The following ECPAS variants were observed in gnomAD, a reference collection of about 807,000 sequenced individuals.
The protein encoded by ECPAS is proteasome adapter and scaffold protein ECM29.
ECPAS carries 70 observed loss-of-function variants against 255.1 expected under a neutral mutation model. That is an observed-to-expected ratio of 0.27 (90% CI 0.23 to 0.33). The LOEUF is 0.33. ECPAS is among the 10% of genes least tolerant of loss of function. The pLI, the probability that ECPAS is intolerant of heterozygous loss-of-function variation, is 1.00. For missense variants in ECPAS, 1,817 were observed against 2,206.4 expected (o/e 0.82, Z 3.54); for synonymous variants, 784 against 775.0 (o/e 1.01, Z -0.19).
At chr9:111,366,058 C>A in intron 48 of ECPAS, 181 bp downstream of exon 48, 3 of 540,708 alleles carry the variant, frequency 5.5e-6, no homozygotes, top group Non-Finnish European at 6.6e-6. Flanking sequence ...ATGCTAAAAT[C>A]CTGTTATAGT....
intron 7 of ECPAS, 46 bp from the exon 8 acceptor site, chr9:111,433,418 A>C: frequency 6.2e-7 from 1 of 1,606,906 alleles, no homozygotes; most frequent in East Asian, 2.2e-5. Flanking sequence ...AGGGGAGCAA[A>C]GGACACCCAC....
intron 36 of ECPAS, among the ~76,000 whole-genome samples, chr9:111,378,329 T>G (rs1040608485): frequency 6.6e-6 from 1 of 152,128 alleles, no homozygotes; most frequent in Non-Finnish European, 1.5e-5. Context: ...CCTAACAAAA[T>G]TGAAATATAC....
At chr9:111,406,186 G>A (rs183277657) in intron 24 of ECPAS, among the ~76,000 whole-genome samples, 1 of 149,796 alleles carries the variant, frequency 6.7e-6, no homozygotes, top group Non-Finnish European at 1.5e-5. Context: ...ATATTATTCA[G>A]CCATAAAAAA....
chr9:111,373,852 G>C (rs1186903133), intron 39 of ECPAS, 120 bp downstream of exon 39: 5 of 726,880 alleles, frequency 6.9e-6, no homozygotes, highest in Non-Finnish European at 1.2e-5. Context: ...GGACTGAGGG[G>C]AGAAAAGGCA....
At position 111,469,033 on chromosome 9, in the gene ECPAS, C is replaced by A. The variant is rs539868746; in HGVS notation, c.22+3864G>T. Among the ~76,000 whole-genome samples the A allele has an allele frequency of 2.6e-5, 4 of 152,302 alleles. No individual in the cohort carries two copies. In the South Asian group the frequency reaches 8.3e-4, roughly 32 times the overall value. ...TATCATCTCAATTCCCCAAAAGCCACGCTAATACTTGGCAAAACCCAAATG... is the reference window on the plus strand; with the variant it reads ...TATCATCTCAATTCCCCAAAAGCCAAGCTAATACTTGGCAAAACCCAAATG... On this transcript the variant is annotated intron_variant, in intron 2 of 49. Transcript: ENST00000684092.
intron 24 of ECPAS, among the ~76,000 whole-genome samples, chr9:111,398,552 A>G (rs2098170893): frequency 6.6e-6 from 1 of 152,174 alleles, no homozygotes; most frequent in Non-Finnish European, 1.5e-5. Flanking sequence ...AATTTCCTAT[A>G]ATAAAAAGTT....
chr9:111,363,318 A>C (rs2098116186), intron 49 of ECPAS, among the ~76,000 whole-genome samples: 1 of 152,166 alleles, frequency 6.6e-6, no homozygotes, highest in South Asian at 2.1e-4. Context: ...ACCAAGATTA[A>C]ATCAGGATTC....
chr9:111,460,956 T>G (rs1263505425), intron 2 of ECPAS, among the ~76,000 whole-genome samples: 1 of 152,118 alleles, frequency 6.6e-6, no homozygotes, highest in East Asian at 1.9e-4. Context: ...GAGCCTATAG[T>G]GGTTCCAGGC....
Position 111,484,347 on chromosome 9 carries a change from G to A in ECPAS, c.-314C>T. On this transcript the variant is annotated 5_prime_UTR_variant, in exon 1 of 50. Transcript: ENST00000684092. ...TGTCACGTTGGCTGGGCCCGACCTG[G>A]GGAAACACGCCTGTCCAAAGGAAGA... 3 of 1,609,512 alleles carry A rather than the reference G, an allele frequency of 1.9e-6. No homozygotes were observed. The highest frequency in any genetic ancestry group is 1.7e-4 in the Middle Eastern group (1 of 6,030).
At chr9:111,448,509 C>G (rs542848022) in intron 3 of ECPAS, among the ~76,000 whole-genome samples, 1 of 152,106 alleles carries the variant, frequency 6.6e-6, no homozygotes, top group Non-Finnish European at 1.5e-5. Context: ...ATTATTAAAA[C>G]TGAAAGAAAA....
intron 35 of ECPAS, among the ~76,000 whole-genome samples, chr9:111,382,339 A>G (rs561903128): frequency 7.0e-6 from 1 of 143,602 alleles, no homozygotes; most frequent in East Asian, 2.0e-4. Context: ...ATCTGGGCTC[A>G]CCGCAACCTC....
In ECPAS at chr9:111,366,311, C is replaced by A; in HGVS notation, c.5236G>T (p.Glu1746Ter). Residue 1746 changes from glutamate to a stop codon, truncating the protein, a stop_gained, in exon 48 of 50, where the codon GAA becomes TAA. Coordinates refer to ENST00000684092, the MANE Select transcript of ECPAS (RefSeq NM_001364929.1). LOFTEE classifies it high-confidence loss of function. ...AAAGCCTCAGGATCGGCATGTTCTT[C>A]TTCCAAAAGCATTAACCTATACAAA... ...AFFQGLMLLE[E>*]EHADPEALAE... The A allele has an allele frequency of 6.4e-7, 1 of 1,574,064 alleles. No homozygotes were observed. Among genetic ancestry groups the A allele is most frequent in the Non-Finnish European group, 8.6e-7 (1 of 1,158,176 alleles).
intron 6 of ECPAS, among the ~76,000 whole-genome samples, chr9:111,439,922 T>C (rs992626578): frequency 3.9e-5 from 6 of 152,052 alleles, no homozygotes; most frequent in Admixed American, 3.3e-4. Flanking sequence ...GGAGGCATTA[T>C]GCAAATGATA....
chr9:111,428,109 T>C lies in ECPAS; in HGVS notation c.983A>G (p.Lys328Arg). The C allele has an allele frequency of 1.2e-6, 2 of 1,613,334 alleles. No homozygotes were observed. Among genetic ancestry groups the C allele is most frequent in the Admixed American group, 1.7e-5 (1 of 59,954 alleles). Residue 328 changes from lysine (K) to arginine (R), a missense_variant, in exon 10 of 50, where the codon AAG becomes AGG. Coordinates refer to ENST00000684092, the MANE Select transcript of ECPAS (RefSeq NM_001364929.1). ...GAGGAGATGGGGGACAATCTTTAAC[T>C]TGACTCTTGTACTGACAGGGTCCCT... is the stretch of plus-strand genomic sequence containing the variant. ...LKRDPVSTRV[K>R]LKIVPHLLRS...
At chr9:111,423,988 G>A (rs900385021) in intron 12 of ECPAS, among the ~76,000 whole-genome samples, 1 of 152,130 alleles carries the variant, frequency 6.6e-6, no homozygotes, top group Non-Finnish European at 1.5e-5. Flanking sequence ...CAGGTAAGGG[G>A]ACTCACACCC....
At chr9:111,408,459 C>T in intron 24 of ECPAS, 112 bp downstream of exon 24, 1 of 624,982 alleles carries the variant, frequency 1.6e-6, no homozygotes, top group Middle Eastern at 2.6e-4. Context: ...GGTGAATAAA[C>T]AAGTAAATGC....
At chr9:111,466,873 G>A (rs1260382718) in intron 2 of ECPAS, among the ~76,000 whole-genome samples, 1 of 152,132 alleles carries the variant, frequency 6.6e-6, no homozygotes, top group Non-Finnish European at 1.5e-5. Flanking sequence ...GCCTCCCAAA[G>A]TGCTGGGATT....
At chr9:111,413,616 A>T (rs2098198342) in intron 20 of ECPAS, among the ~76,000 whole-genome samples, 1 of 151,858 alleles carries the variant, frequency 6.6e-6, no homozygotes, top group East Asian at 1.9e-4. Context: ...AAACTACACA[A>T]ATCTATTGCT....
In ECPAS at chr9:111,412,001, C is replaced by A; in HGVS notation, c.2214+13G>T. On this transcript the variant is annotated intron_variant, in intron 21 of 49. Transcript: ENST00000684092. The stretch of plus-strand genomic sequence containing the variant: ...TATCTCCCACAAAAAAGAATGAAAA[C>A]AAAATAACATACGTGATTGTCTTTT... 6.6e-7 allele frequency: 1 copy of A among 1,512,812 alleles called. No individual in the cohort carries two copies. Among genetic ancestry groups the A allele is most frequent in the East Asian group, 2.5e-5 (1 of 39,954 alleles). The allele number at this position is 1,512,812 out of a possible 1,614,324, so 93.7% of individuals were successfully genotyped here. A position where few individuals can be genotyped will look rare whatever the true frequency, so the allele number is the denominator to read the frequency against.
Sources: gnomAD v4.1 joint callset for allele counts (sites outside exome capture counted in the v4.1 genomes callset) on GRCh38, gnomAD v4.1.1 for gene constraint, MANE v1.5 for transcripts, NCBI Gene and HGNC (gene_info 2026-07-23, HGNC 2026-07-21) for gene names.